Variants in DCLK2 observed in about 807,000 individuals in gnomAD.
DCLK2 encodes the protein serine/threonine-protein kinase DCLK2.
DCLK2 carries 31 observed loss-of-function variants against 78.4 expected under a neutral mutation model. The observed-to-expected ratio is 0.40, with a 90% CI of 0.30 to 0.53. DCLK2 has a LOEUF of 0.53. Ranked by LOEUF, DCLK2 falls within the 20% of genes least tolerant of loss-of-function variation. DCLK2 has a pLI of 0.61. For missense variants in DCLK2, 872 were observed against 973.7 expected, an observed-to-expected ratio of 0.90 and a Z score of 1.39; for synonymous variants, 407 against 374.9, an observed-to-expected ratio of 1.09 and a Z score of -0.99.
At chr4:150,244,522 A>G (rs751978221) in intron 12 of DCLK2, among the ~76,000 whole-genome samples, 22 of 152,094 alleles carry the variant, frequency 1.4e-4, no homozygotes, top group Admixed American at 2.6e-4. Flanking sequence ...GCGTGTGCAC[A>G]AACTCTTTTG....
At chr4:150,228,919 G>A (rs942207469) in intron 8 of DCLK2, among the ~76,000 whole-genome samples, 2 of 151,780 alleles carry the variant, frequency 1.3e-5, no homozygotes, top group Non-Finnish European at 2.9e-5. Context: ...CCAGCTACTC[G>A]GGAGGCTGAG....
rs757973684 is a variant in DCLK2, at chr4:150,256,077, G to A, written c.2131G>A (p.Gly711Ser). 5.0e-6 allele frequency: 8 copies of A among 1,612,720 alleles called. No individual in the cohort carries two copies. Among genetic ancestry groups the A allele is most frequent in the East Asian group, 2.2e-5 (1 of 44,812 alleles). Residue 711 changes from glycine (G) to serine (S), a missense_variant, in exon 16 of 16, where the codon GGC becomes AGC. Coordinates refer to ENST00000296550, the MANE Select transcript of DCLK2 (RefSeq NM_001040260.4). The part of the protein sequence containing the change: ...IFCSKHCQDS[G>S]RPGMEPISPV... ...CTGCAGCAAGCACTGTCAAGACAGC[G>A]GCAGGCCTGGGATGGAGCCCATCTC...
chr4:150,254,055 C>A (rs1252496288), intron 15 of DCLK2, among the ~76,000 whole-genome samples: 4 of 152,214 alleles, frequency 2.6e-5, no homozygotes, highest in Admixed American at 2.0e-4. Flanking sequence ...TTGTCCTTAG[C>A]ATGCGTAAGA....
chr4:150,097,648 G>T (rs907546340), intron 1 of DCLK2, among the ~76,000 whole-genome samples: 1 of 152,210 alleles, frequency 6.6e-6, no homozygotes, highest in Admixed American at 6.5e-5. Context: ...GACATCAAAG[G>T]TAAAAAGCCA....
At chr4:150,176,620 T>G (rs1269600198) in intron 2 of DCLK2, among the ~76,000 whole-genome samples, 2 of 152,206 alleles carry the variant, frequency 1.3e-5, no homozygotes, top group Non-Finnish European at 2.9e-5. Flanking sequence ...GGTGCCAAGA[T>G]GGATTGGAAA....
intron 3 of DCLK2, 142 bp downstream of exon 3, chr4:150,193,382 C>A: frequency 4.2e-6 from 2 of 473,918 alleles, no homozygotes; most frequent in Non-Finnish European, 3.8e-6. Flanking sequence ...ATTTTTGAAC[C>A]AATGAAAATA....
intron 13 of DCLK2, among the ~76,000 whole-genome samples, chr4:150,248,006 A>G (rs1038170513): frequency 2.0e-5 from 3 of 152,240 alleles, no homozygotes; most frequent in Non-Finnish European, 4.4e-5. Flanking sequence ...GAACTTGTGA[A>G]ACACACTGAA....
chr4:150,150,140 A>G (rs1210015752), intron 2 of DCLK2, among the ~76,000 whole-genome samples: 2 of 152,204 alleles, frequency 1.3e-5, no homozygotes, highest in Non-Finnish European at 2.9e-5. Flanking sequence ...AAAAATAAAA[A>G]ACAATTTATA....
At chr4:150,228,920 G>A (rs1741820862) in intron 8 of DCLK2, among the ~76,000 whole-genome samples, 1 of 151,956 alleles carries the variant, frequency 6.6e-6, no homozygotes, top group Non-Finnish European at 1.5e-5. Flanking sequence ...CAGCTACTCG[G>A]GAGGCTGAGG....
chr4:150,086,219 A>C (rs1209147671), intron 1 of DCLK2, among the ~76,000 whole-genome samples: 1 of 152,092 alleles, frequency 6.6e-6, no homozygotes, highest in Non-Finnish European at 1.5e-5. Context: ...GCCCTATTTA[A>C]GATGTTTTAA....
intron 2 of DCLK2, among the ~76,000 whole-genome samples, chr4:150,149,281 T>TA (rs1734718224): frequency 6.6e-6 from 1 of 152,176 alleles, no homozygotes; most frequent in Non-Finnish European, 1.5e-5. Context: ...TAATTTCTAT[T>TA]GAAAAACTTC....
chr4:150,212,556 T>C (rs1268938876), intron 5 of DCLK2, among the ~76,000 whole-genome samples: 1 of 152,244 alleles, frequency 6.6e-6, no homozygotes, highest in Non-Finnish European at 1.5e-5. Flanking sequence ...ATAATTGATT[T>C]TGTAGAACAA....
chr4:150,157,401 T>G (rs1295091052), intron 2 of DCLK2, among the ~76,000 whole-genome samples: 3 of 151,794 alleles, frequency 2.0e-5, no homozygotes, highest in Admixed American at 2.0e-4. Flanking sequence ...ACACCTCAGC[T>G]CCCACCACCC....
At chr4:150,128,155 G>C (rs183056996) in intron 2 of DCLK2, among the ~76,000 whole-genome samples, 1 of 152,144 alleles carries the variant, frequency 6.6e-6, no homozygotes, top group African/African-American at 2.4e-5. Context: ...AATGGGTAGA[G>C]GCCAGGGATG....
At chr4:150,236,565 C>G (rs147471701) in intron 10 of DCLK2, among the ~76,000 whole-genome samples, 161 of 152,300 alleles carry the variant, frequency 1.1e-3, no homozygotes, top group African/African-American at 3.4e-3. Flanking sequence ...GAGACCTGAA[C>G]TCTGCCAGAA....
chr4:150,107,379 T>G (rs866812192), intron 2 of DCLK2, among the ~76,000 whole-genome samples: 22 of 51,722 alleles, frequency 4.3e-4, no homozygotes, highest in Admixed American at 9.0e-4. Flanking sequence ...TTGGTTATTG[T>G]TTTTTTTTTT....
intron 2 of DCLK2, among the ~76,000 whole-genome samples, chr4:150,187,037 G>T (rs150261974): frequency 6.6e-6 from 1 of 151,994 alleles, no homozygotes; most frequent in Non-Finnish European, 1.5e-5. Flanking sequence ...AAATAAGATC[G>T]ATGTGCTTAC....
rs767593622 is a variant in DCLK2 at position 150,249,601 on chromosome 4, G to C, written c.1990G>C (p.Glu664Gln). The change falls in exon 15 of 16, where the codon GAG becomes CAG. Residue 664 changes from glutamate to glutamine, a missense_variant. By Grantham distance (29) the Glu-to-Gln change is conservative. Around this residue, in one of 3 missense-constraint regions of DCLK2, gnomAD observed 219 missense variants for 230.1 expected, o/e 0.95. Transcript: ENST00000296550. Reference protein sequence around the residue: ...DASQENNMQAEVTGKLKQHFN... With the variant: ...DASQENNMQAQVTGKLKQHFN... ...CTCCCAGGAGAATAACATGCAAGCTGAGGTGACAGGTAAACTAAAACAGCA... is the reference window on the plus strand; with the variant it reads ...CTCCCAGGAGAATAACATGCAAGCTCAGGTGACAGGTAAACTAAAACAGCA... 6.2e-7 allele frequency: 1 copy of C among 1,613,774 alleles called. No individual in the cohort carries two copies. The highest frequency in any genetic ancestry group is 8.5e-7 in the Non-Finnish European group (1 of 1,179,970).
At chr4:150,153,582 A>T (rs1475897698) in intron 2 of DCLK2, among the ~76,000 whole-genome samples, 3 of 151,700 alleles carry the variant, frequency 2.0e-5, no homozygotes, top group African/African-American at 7.3e-5. Flanking sequence ...GCTAATTTTT[A>T]AATAATTTTT....
Sources: allele counts gnomAD v4.1 joint callset (sites outside exome capture counted in the v4.1 genomes callset), GRCh38; gene constraint gnomAD v4.1.1; regional missense constraint gnomAD v4.1.1; transcripts MANE v1.5; gene names NCBI Gene and HGNC (gene_info 2026-07-23, HGNC 2026-07-21).